The following ZNF385D variants were observed in gnomAD, a reference collection of about 807,000 sequenced individuals.
The protein encoded by ZNF385D is zinc finger protein 659.
A neutral mutation model predicts 35.8 loss-of-function variants in ZNF385D; 15 were observed. The ratio of observed to expected loss-of-function variants is 0.42; its 90% CI spans 0.28 to 0.64. ZNF385D has a LOEUF of 0.64. Ranked by LOEUF, ZNF385D falls within the 30% of genes least tolerant of loss-of-function variation. ZNF385D has a pLI of 0.23. For synonymous variants in ZNF385D, 212 were observed against 186.8 expected, an observed-to-expected ratio of 1.13 and a Z score of -1.10; for missense variants, 474 against 494.6, an observed-to-expected ratio of 0.96 and a Z score of 0.39.
At chr3:22,345,425 C>T (rs1695614495) in intron 2 of ZNF385D, among the ~76,000 whole-genome samples, 1 of 152,178 alleles carries the variant, frequency 6.6e-6, no homozygotes, top group African/African-American at 2.4e-5. Flanking sequence ...TTCTAAAACA[C>T]AAAAACTTCA....
At chr3:21,748,006 C>T (rs1414300509) in intron 1 of ZNF385D, among the ~76,000 whole-genome samples, 3 of 152,108 alleles carry the variant, frequency 2.0e-5, no homozygotes, top group African/African-American at 4.8e-5. Flanking sequence ...GCTTCCTTCT[C>T]CCATGTGAAC....
intron 3 of ZNF385D, among the ~76,000 whole-genome samples, chr3:21,899,794 C>A (rs538198027): frequency 6.6e-6 from 1 of 152,208 alleles, no homozygotes; most frequent in East Asian, 1.9e-4. Flanking sequence ...TATTTAAATT[C>A]TCTGTAGCCA....
At chr3:21,856,121 A>C (rs1385599661) in intron 3 of ZNF385D, among the ~76,000 whole-genome samples, 2 of 151,960 alleles carry the variant, frequency 1.3e-5, no homozygotes, top group East Asian at 3.9e-4. Context: ...GAGAGGAGAA[A>C]TTTTTTTCTT....
chr3:21,453,456 G>A (rs1372114610), intron 4 of ZNF385D, among the ~76,000 whole-genome samples: 2 of 151,982 alleles, frequency 1.3e-5, no homozygotes, highest in East Asian at 3.9e-4. Context: ...GAAAATATTT[G>A]TAAATTATGT....
chr3:21,513,037 A>T (rs1268209327), intron 3 of ZNF385D, among the ~76,000 whole-genome samples: 1 of 152,170 alleles, frequency 6.6e-6, no homozygotes, highest in Admixed American at 6.5e-5. Context: ...ATCTCCACTT[A>T]TACCTCCAAA....
chr3:22,012,966 T>C (rs1696669042), intron 3 of ZNF385D, among the ~76,000 whole-genome samples: 1 of 152,058 alleles, frequency 6.6e-6, no homozygotes, highest in African/African-American at 2.4e-5. Flanking sequence ...ATCCCATTAA[T>C]ATGATAGAAA....
intron 2 of ZNF385D, among the ~76,000 whole-genome samples, chr3:21,610,156 G>GCATA (rs2064625470): frequency 7.8e-6 from 1 of 127,590 alleles, no homozygotes; most frequent in Non-Finnish European, 1.7e-5. Flanking sequence ...AAAAAAAAAT[G>GCATA]TGTTTATGCA....
At chr3:21,591,683 G>T (rs770378506) in intron 2 of ZNF385D, among the ~76,000 whole-genome samples, 1 of 152,072 alleles carries the variant, frequency 6.6e-6, no homozygotes, top group African/African-American at 2.4e-5. Flanking sequence ...ATTTTAGCAG[G>T]AAGCACTCCG....
At chr3:22,178,845 C>G (rs183647641) in intron 2 of ZNF385D, among the ~76,000 whole-genome samples, 8 of 152,282 alleles carry the variant, frequency 5.3e-5, no homozygotes, top group Middle Eastern at 3.4e-3. Context: ...ATAGGGAAAC[C>G]TTTCCCCATT....
intron 2 of ZNF385D, among the ~76,000 whole-genome samples, chr3:22,253,803 C>G (rs1700178551): frequency 1.3e-5 from 2 of 150,454 alleles, no homozygotes; most frequent in South Asian, 4.2e-4. Flanking sequence ...CAAGAGTAGC[C>G]AAACATTGCT....
intron 2 of ZNF385D, among the ~76,000 whole-genome samples, chr3:22,362,223 T>C (rs1269442414): frequency 1.3e-5 from 2 of 151,924 alleles, no homozygotes; most frequent in Non-Finnish European, 2.9e-5. Flanking sequence ...GAACACATGT[T>C]CTAATTTATG....
chr3:22,072,817 G>A (rs1419996623), intron 3 of ZNF385D, among the ~76,000 whole-genome samples: 1 of 151,938 alleles, frequency 6.6e-6, no homozygotes, highest in Admixed American at 6.6e-5. Context: ...CAGAACAAAA[G>A]GAAAGGTAAG....
At chr3:22,334,321 C>T (rs966974819) in intron 2 of ZNF385D, among the ~76,000 whole-genome samples, 7 of 152,064 alleles carry the variant, frequency 4.6e-5, no homozygotes, top group Non-Finnish European at 1.0e-4. Context: ...TATTTAGTGA[C>T]TATTACACAA....
At chr3:21,810,996 G>A (rs7373236) in intron 3 of ZNF385D, among the ~76,000 whole-genome samples, 43,532 of 132,832 alleles carry the variant, frequency 0.33, 6,660 homozygotes, top group African/African-American at 0.37. Context: ...GTGTGTGTGT[G>A]TGTATATATA....
rs771679881 is a variant in ZNF385D at position 21,436,973 on chromosome 3, T to G, written c.670A>C (p.Ser224Arg). 2 of 1,613,648 alleles carry G rather than the reference T, an allele frequency of 1.2e-6. No individual in the cohort carries two copies. Among genetic ancestry groups the G allele is most frequent in the Non-Finnish European group, 8.5e-7 (1 of 1,179,764 alleles). Residue 224 changes from serine (S) to arginine (R), a missense_variant, in exon 5 of 8, where the codon AGT becomes CGT. Coordinates refer to ENST00000281523, the MANE Select transcript of ZNF385D (RefSeq NM_024697.3). ...NSASQLEAHN[S>R]GTKHKTMLEA... is the part of the protein sequence containing the mutation. Reference sequence around the variant, plus strand: ...AAAAGAAATCGCTGCATCTCACCACTGTTGTGCGCCTCCAGCTGCGAGGCA... The same window carrying G: ...AAAAGAAATCGCTGCATCTCACCACGGTTGTGCGCCTCCAGCTGCGAGGCA...
chr3:21,938,718 T>A (rs1410933002), intron 3 of ZNF385D, among the ~76,000 whole-genome samples: 1 of 152,170 alleles, frequency 6.6e-6, no homozygotes, highest in East Asian at 1.9e-4. Context: ...CACTTTCCCC[T>A]AAAACTAATG....
chr3:22,010,747 T>A (rs961860146), intron 3 of ZNF385D, among the ~76,000 whole-genome samples: 6 of 152,206 alleles, frequency 3.9e-5, no homozygotes, highest in South Asian at 2.1e-4. Context: ...TGTATCACTA[T>A]CTCCTCATAA....
At chr3:21,754,968 CAA>C (rs1467992786), upstream of ZNF385D, among the ~76,000 whole-genome samples, 22 of 152,308 alleles carry the variant, frequency 1.4e-4, no homozygotes, top group East Asian at 9.7e-4. Flanking sequence ...GTGTTTTGTG[CAA>C]AGTGTTCACA....
intron 3 of ZNF385D, among the ~76,000 whole-genome samples, chr3:21,855,960 T>C (rs538438560): frequency 5.5e-4 from 84 of 152,156 alleles, no homozygotes; most frequent in African/African-American, 1.8e-3. Flanking sequence ...ATGAAATCTG[T>C]CTATCAATCA....
Sources: gnomAD v4.1 joint callset for allele counts (sites outside exome capture counted in the v4.1 genomes callset) on GRCh38, gnomAD v4.1.1 for gene constraint, MANE v1.5 for transcripts, NCBI Gene and HGNC (gene_info 2026-07-23, HGNC 2026-07-21) for gene names.